Variants in PLCL1 observed in about 807,000 individuals in gnomAD.
PLCL1 encodes the protein phospholipase C like 1 (inactive).
In PLCL1, 41 loss-of-function variants were observed where a neutral mutation model predicts 84.4. The observed-to-expected ratio is 0.49, with a 90% CI of 0.38 to 0.63. The LOEUF is 0.63. Ranked by LOEUF, PLCL1 falls within the 30% of genes least tolerant of loss-of-function variation. The pLI, the probability that PLCL1 is intolerant of heterozygous loss-of-function variation, is 0.00. For missense variants in PLCL1, 1,206 were observed against 1,367.8 expected (o/e 0.88, Z 1.87); for synonymous variants, 490 against 488.3 (o/e 1.00, Z -0.05).
At position 198,011,402 on chromosome 2, in the gene PLCL1, C is replaced by T. The variant is rs1690865426; in HGVS notation, c.241-72356C>T. Among the ~76,000 whole-genome samples the T allele has an allele frequency of 1.3e-5, 2 of 151,758 alleles. 1 individual carries two copies. Among genetic ancestry groups the T allele is most frequent in the South Asian group, 4.2e-4 (2 of 4,814 alleles). ...GTTTATGAGTGCATTGTTTAATTTCCACATATTACTGGATTTTCCTATTTT... is the reference window on the plus strand; with the variant it reads ...GTTTATGAGTGCATTGTTTAATTTCTACATATTACTGGATTTTCCTATTTT... On this transcript the variant is annotated intron_variant, in intron 1 of 5. Transcript: ENST00000428675.
intron 1 of PLCL1, among the ~76,000 whole-genome samples, chr2:197,863,883 A>C (rs894680405): frequency 8.5e-5 from 13 of 152,174 alleles, no homozygotes; most frequent in African/African-American, 2.9e-4. Flanking sequence ...CTTTGATAAG[A>C]TAGCTGTTGG....
At chr2:198,117,338 C>T (rs75516119) in intron 5 of PLCL1, among the ~76,000 whole-genome samples, 136 of 140,520 alleles carry the variant, frequency 9.7e-4, no homozygotes, top group South Asian at 4.7e-3. Context: ...TTTTTTTTTT[C>T]TTTTTTTTTT....
intron 1 of PLCL1, among the ~76,000 whole-genome samples, chr2:197,898,064 G>T (rs879835743): frequency 2.6e-5 from 4 of 152,148 alleles, no homozygotes; most frequent in African/African-American, 7.2e-5. Flanking sequence ...GCTAAAAGGC[G>T]TCTGTCCAGT....
Position 197,824,827 on chromosome 2 carries a change from T to C in PLCL1, c.240+19488T>C, listed in dbSNP as rs942936720. Among the ~76,000 whole-genome samples the C allele has an allele frequency of 2.6e-5, 4 of 152,156 alleles. 1 individual carries two copies. Among genetic ancestry groups the C allele is most frequent in the African/African-American group, 7.2e-5 (3 of 41,448 alleles). ...AAATTCCTTAAAAGCCAGAACTCTT[T>C]CGAGCTGTTCAGTTTTGTGGTCCAA... On this transcript the variant is annotated intron_variant, in intron 1 of 5. Transcript: ENST00000428675.
rs1217149912 is a variant in PLCL1, at chr2:198,085,303, C to A, written c.1786C>A (p.Gln596Lys). 6.2e-7 allele frequency: 1 copy of A among 1,613,642 alleles called. No individual in the cohort carries two copies. The highest frequency in any genetic ancestry group is 1.3e-5 in the African/African-American group (1 of 74,994). Residue 596 changes from glutamine to lysine, a missense_variant, in exon 2 of 6, where the codon CAA (glutamine) becomes AAA (lysine). Coordinates refer to ENST00000428675, the MANE Select transcript of PLCL1 (RefSeq NM_006226.4). This position sits in a 1 kb window ranked among gnomAD's most constrained non-coding sequence, Gnocchi z 5.3. ...TTTGGTGTCTATTTGTAAATCTGTTCAATACAGGGATTTTGAACTATCTAT... is the reference window on the plus strand; with the variant it reads ...TTTGGTGTCTATTTGTAAATCTGTTAAATACAGGGATTTTGAACTATCTAT... ...SDLVSICKSV[Q>K]YRDFELSMKS...
chr2:198,028,345 CA>C (rs1691323093), intron 1 of PLCL1, among the ~76,000 whole-genome samples: 1 of 152,004 alleles, frequency 6.6e-6, no homozygotes, highest in East Asian at 1.9e-4. Flanking sequence ...CTAGGCCATT[CA>C]GCAGGAGTGG....
intron 3 of PLCL1, among the ~76,000 whole-genome samples, chr2:198,094,303 T>C (rs1013648053): frequency 2.1e-4 from 32 of 152,270 alleles, no homozygotes; most frequent in South Asian, 1.2e-3. Flanking sequence ...CCTCGTGATC[T>C]GCCCGCCTTG....
intron 1 of PLCL1, among the ~76,000 whole-genome samples, chr2:198,047,642 A>T (rs1044594585): frequency 2.2e-4 from 34 of 152,364 alleles, no homozygotes; most frequent in African/African-American, 7.9e-4. Flanking sequence ...TGGAATAAAT[A>T]ACATGGCACA....
intron 5 of PLCL1, among the ~76,000 whole-genome samples, chr2:198,105,198 T>A (rs1468084056): frequency 1.3e-5 from 2 of 152,010 alleles, no homozygotes; most frequent in African/African-American, 4.8e-5. Context: ...TTGTATATGG[T>A]ACAAGGAAGA....
chr2:197,994,740 G>A lies in PLCL1; in HGVS notation c.241-89018G>A, dbSNP rs1261312652. ...GTGAGTTCAGTAGAGTAGTTTCCTT[G>A]GCATAAATAATTTCACATCTAACTG... On this transcript the variant is annotated intron_variant, in intron 1 of 5. Coordinates refer to ENST00000428675, the MANE Select transcript of PLCL1 (RefSeq NM_006226.4). Among the ~76,000 whole-genome samples, 7 of 152,174 alleles carry A rather than the reference G, an allele frequency of 4.6e-5. No individual in the cohort carries two copies. The South Asian group carries it at 1.0e-3, about 23-fold the overall frequency.
chr2:197,995,560 A>G (rs1192844613), intron 1 of PLCL1, among the ~76,000 whole-genome samples: 1 of 152,032 alleles, frequency 6.6e-6, no homozygotes, highest in African/African-American at 2.4e-5. Context: ...TTATGAGGCA[A>G]TAGTTCCATA....
In PLCL1 at chr2:198,085,534, A is replaced by T. The variant is rs147725543; in HGVS notation, c.2017A>T (p.Thr673Ser). The T allele has an allele frequency of 1.3e-4, 215 of 1,613,726 alleles. No individual in the cohort carries two copies. The highest frequency in any genetic ancestry group is 1.8e-4 in the Non-Finnish European group (211 of 1,179,822). Residue 673 changes from threonine (T) to serine (S), a missense_variant, in exon 2 of 6, where the codon ACT (threonine) becomes TCT (serine). By Grantham distance (58) the Thr-to-Ser change is moderately conservative. Coordinates refer to ENST00000428675, the MANE Select transcript of PLCL1 (RefSeq NM_006226.4). This position sits in a 1 kb window ranked among gnomAD's most constrained non-coding sequence, Gnocchi z 5.3. Reference sequence around the variant, plus strand: ...TCAGATTGTAGCAATGAATTTTCAGACTCCGGGTCCAATGATGGACCTTCA... The same window carrying T: ...TCAGATTGTAGCAATGAATTTTCAGTCTCCGGGTCCAATGATGGACCTTCA... ...GCQIVAMNFQ[T>S]PGPMMDLHTG...
chr2:197,980,704 C>T (rs1690084623), intron 1 of PLCL1, among the ~76,000 whole-genome samples: 1 of 152,102 alleles, frequency 6.6e-6, no homozygotes, highest in South Asian at 2.1e-4. Context: ...GGAACAGTAA[C>T]ACAGTAAATA....
At chr2:198,066,172 T>C (rs911701061) in intron 1 of PLCL1, among the ~76,000 whole-genome samples, 1 of 152,228 alleles carries the variant, frequency 6.6e-6, no homozygotes, top group Admixed American at 6.5e-5. Context: ...CTCTTTTTAT[T>C]CTGCCTTCTT....
At chr2:198,024,708 A>G (rs1691221865) in intron 1 of PLCL1, among the ~76,000 whole-genome samples, 1 of 152,008 alleles carries the variant, frequency 6.6e-6, no homozygotes, top group Non-Finnish European at 1.5e-5. Context: ...GGTTGCACTG[A>G]GCCAAGATCG....
intron 1 of PLCL1, among the ~76,000 whole-genome samples, chr2:197,863,326 G>A (rs1687469523): frequency 6.6e-6 from 1 of 152,010 alleles, no homozygotes; most frequent in South Asian, 2.1e-4. Context: ...TTAAAAATTT[G>A]TAAATTGTGT....
At position 197,895,497 on chromosome 2, in the gene PLCL1, C is replaced by T. The variant is rs187045678; in HGVS notation, c.240+90158C>T. ...AAGTCAAGGAGCGCTACTTTCCTGA[C>T]GTAGTTGCTTTTGTGATATTTATAA... On this transcript the variant is annotated intron_variant, in intron 1 of 5. Coordinates refer to ENST00000428675, the MANE Select transcript of PLCL1 (RefSeq NM_006226.4). Among the ~76,000 whole-genome samples the T allele has an allele frequency of 2.1e-3, 318 of 151,884 alleles. 2 individuals are homozygous for T. Among genetic ancestry groups the T allele is most frequent in the African/African-American group, 7.5e-3 (309 of 41,460 alleles).
intron 1 of PLCL1, among the ~76,000 whole-genome samples, chr2:198,033,303 G>A (rs990513326): frequency 6.6e-6 from 1 of 152,118 alleles, no homozygotes; most frequent in Non-Finnish European, 1.5e-5. Flanking sequence ...GGTAAATGCA[G>A]GTTCTTCTCA....
intron 1 of PLCL1, among the ~76,000 whole-genome samples, chr2:197,930,338 T>G (rs1688908209): frequency 6.6e-6 from 1 of 152,218 alleles, no homozygotes; most frequent in Admixed American, 6.6e-5. Context: ...AACAGATCTG[T>G]TCTTCACAAA....
Sources: allele counts gnomAD v4.1 joint callset (sites outside exome capture counted in the v4.1 genomes callset), GRCh38; gene constraint gnomAD v4.1.1; non-coding constraint Gnocchi (gnomAD v3.1); transcripts MANE v1.5; gene names NCBI Gene and HGNC (gene_info 2026-07-23, HGNC 2026-07-21).